TG: variants seen among roughly 807,000 people sequenced by gnomAD.
TG encodes thyroglobulin, also known as thyroid hormones.
Under a neutral mutation model 324.7 loss-of-function variants are expected in TG, and 270 were observed. The ratio of observed to expected loss-of-function variants is 0.83; its 90% CI spans 0.75 to 0.92. The LOEUF (loss-of-function observed/expected upper bound fraction) is 0.92, where lower values mean the gene tolerates loss of function less well. Among genes scored for constraint, TG ranks in the 40% least tolerant of loss-of-function variants. The pLI is 0.00. For missense variants in TG, 3,591 were observed against 3,456.4 expected (o/e 1.04, Z -0.98); for synonymous variants, 1,401 against 1,327.0 (o/e 1.06, Z -1.21).
intron 35 of TG, among the ~76,000 whole-genome samples, chr8:132,984,346 C>A (rs138482642): frequency 6.6e-6 from 1 of 152,172 alleles, no homozygotes; most frequent in Non-Finnish European, 1.5e-5. Flanking sequence ...TTCCCTCAGT[C>A]AGTTAAAATA....
intron 35 of TG, 99 bp from the exon 36 acceptor site, chr8:133,011,802 C>A (rs1247977815): frequency 9.4e-6 from 14 of 1,495,096 alleles, no homozygotes; most frequent in Non-Finnish European, 1.3e-5. Flanking sequence ...GAGGAGGATG[C>A]CCCTAAGGCT....
intron 44 of TG, among the ~76,000 whole-genome samples, chr8:133,115,949 T>C (rs768785293): frequency 2.3e-4 from 35 of 152,182 alleles, no homozygotes; most frequent in Non-Finnish European, 4.6e-4. Context: ...GATCTTTTTT[T>C]CTTATGTGGC....
At chr8:133,034,345 A>G (rs912407014) in intron 41 of TG, among the ~76,000 whole-genome samples, 7 of 152,154 alleles carry the variant, frequency 4.6e-5, no homozygotes, top group African/African-American at 1.7e-4. Flanking sequence ...GTTTTGTGCA[A>G]TCATTGTGAG....
chr8:133,050,472 A>G, intron 41 of TG: 1 of 257,590 alleles, frequency 3.9e-6, no homozygotes, highest in East Asian at 8.1e-5. Context: ...AAGGATTTCC[A>G]GACCCTGGGG....
rs573439163 is a variant in TG, at chr8:132,904,741, G to GT, written c.3635-1946dup. 3.5e-4 allele frequency among the ~76,000 whole-genome samples: 53 copies of GT among 152,098 alleles called. 1 individual carries two copies. The East Asian group carries it at 0.01, about 29-fold the overall frequency. On this transcript the variant is annotated intron_variant, in intron 16 of 47. Coordinates refer to ENST00000220616, the MANE Select transcript of TG (RefSeq NM_003235.5). ...GCCCACTTCCAAAAGGCAAGGGAGG[G>GT]TAAAAAAAACAAAAACAAAAACAGA...
intron 41 of TG, chr8:133,037,767 G>C (rs2777): frequency 2.6e-5 from 4 of 151,850 alleles, no homozygotes; most frequent in Non-Finnish European, 5.9e-5. Flanking sequence ...CTCTGTCTGC[G>C]CTGCAAAGCC....
At chr8:133,097,605 C>T (rs1848615565) in intron 43 of TG, among the ~76,000 whole-genome samples, 1 of 152,060 alleles carries the variant, frequency 6.6e-6, no homozygotes, top group African/African-American at 2.4e-5. Context: ...TTTTAAAAAC[C>T]AACCTGTATA....
chr8:132,895,759 A>T (rs1816998464), intron 11 of TG, among the ~76,000 whole-genome samples: 1 of 152,206 alleles, frequency 6.6e-6, no homozygotes. Context: ...GAGAAGTGGG[A>T]TTGGTGCTCC....
intron 35 of TG, chr8:133,002,498 T>A (rs1833619265): frequency 2.3e-6 from 2 of 884,384 alleles, no homozygotes; most frequent in Non-Finnish European, 2.7e-6. Context: ...TCAGACACAA[T>A]TAAAATTTGC....
intron 45 of TG, among the ~76,000 whole-genome samples, chr8:133,118,320 C>CTTT (rs34171048): frequency 4.8e-4 from 43 of 88,944 alleles, no homozygotes; most frequent in East Asian, 6.3e-4. Context: ...CAGATTCTTC[C>CTTT]TTTTTTTTTT....
At chr8:133,035,755 C>A (rs1374971484) in intron 41 of TG, among the ~76,000 whole-genome samples, 1 of 152,130 alleles carries the variant, frequency 6.6e-6, no homozygotes, top group Non-Finnish European at 1.5e-5. Context: ...TCCTTTTGTT[C>A]ATTTTTGCAT....
intron 40 of TG, among the ~76,000 whole-genome samples, chr8:133,023,448 A>G (rs1405069852): frequency 6.6e-6 from 1 of 152,156 alleles, no homozygotes; most frequent in Non-Finnish European, 1.5e-5. Context: ...AAGGAAAATT[A>G]TCCCCACCCT....
chr8:132,961,745 A>G (rs536625864), intron 28 of TG, among the ~76,000 whole-genome samples: 67 of 143,816 alleles, frequency 4.7e-4, no homozygotes, highest in African/African-American at 1.6e-3. Context: ...TCATGGCCAT[A>G]TGTGCTGGGT....
intron 29 of TG, among the ~76,000 whole-genome samples, chr8:132,964,317 C>T (rs1048153916): frequency 6.6e-6 from 1 of 152,058 alleles, no homozygotes; most frequent in Admixed American, 6.6e-5. Flanking sequence ...GGAGACCTTG[C>T]GGGGAGTCAG....
Position 132,905,917 on chromosome 8 carries a change from G to A in TG, c.3635-771G>A, listed in dbSNP as rs1380529332. 2.6e-5 allele frequency among the ~76,000 whole-genome samples: 4 copies of A among 152,274 alleles called. No individual in the cohort carries two copies. The East Asian group carries it at 7.7e-4, about 29-fold the overall frequency. On this transcript the variant is annotated intron_variant, in intron 16 of 47. Transcript: ENST00000220616. ...GGAGCAGGCAGAAGGAAGGCTTGGA[G>A]GTGTGTTCAGGGAGTAACAGATATT...
At chr8:133,080,347 C>G (rs1332305270) in intron 41 of TG, among the ~76,000 whole-genome samples, 1 of 152,194 alleles carries the variant, frequency 6.6e-6, no homozygotes, top group Non-Finnish European at 1.5e-5. Context: ...AACTGGCACT[C>G]ATAGGGCTTA....
intron 18 of TG, among the ~76,000 whole-genome samples, chr8:132,909,015 A>T (rs1452521951): frequency 6.6e-6 from 1 of 152,192 alleles, no homozygotes; most frequent in Non-Finnish European, 1.5e-5. Context: ...AAAAGAGGGA[A>T]CTGCAAATTG....
rs1831185613 is a variant in TG at position 132,983,703 on chromosome 8, T to G, written c.6262+291T>G. 4 of 508,860 alleles carry G rather than the reference T, an allele frequency of 7.9e-6. No individual in the cohort carries two copies. The South Asian group carries it at 8.3e-5, about 11-fold the overall frequency. 31.5% of individuals were successfully genotyped at this position (508,860 alleles called of 1,614,324 possible). Reference sequence around the variant, plus strand: ...TCCCAGTTTTCATTTTAAGGATTATTTCGCCCTATCGAGTAATGACTAGAC... The same window carrying G: ...TCCCAGTTTTCATTTTAAGGATTATGTCGCCCTATCGAGTAATGACTAGAC... On this transcript the variant is annotated intron_variant, in intron 35 of 47. Transcript: ENST00000220616.
chr8:132,891,338 C>T (rs1816213162), intron 10 of TG, among the ~76,000 whole-genome samples: 1 of 152,036 alleles, frequency 6.6e-6, no homozygotes, highest in South Asian at 2.1e-4. Flanking sequence ...AAATTGGGAA[C>T]AGATTATAAT....
Sources: gnomAD v4.1 joint callset for allele counts (sites outside exome capture counted in the v4.1 genomes callset) on GRCh38, gnomAD v4.1.1 for gene constraint, MANE v1.5 for transcripts, NCBI Gene and HGNC (gene_info 2026-07-23, HGNC 2026-07-21) for gene names.